The following SERPINI1 variants were observed in gnomAD, a reference collection of about 807,000 sequenced individuals.
SERPINI1 encodes neuroserpin.
Under a neutral mutation model 41.1 loss-of-function variants are expected in SERPINI1, and 19 were observed. The ratio of observed to expected loss-of-function variants is 0.46; its 90% CI spans 0.32 to 0.68. SERPINI1 has a LOEUF of 0.68. Ranked by LOEUF, SERPINI1 falls within the 30% of genes least tolerant of loss-of-function variation. The pLI is 0.03. For synonymous variants in SERPINI1, 138 were observed against 156.6 expected, an observed-to-expected ratio of 0.88 and a Z score of 0.89; for missense variants, 460 against 479.2, an observed-to-expected ratio of 0.96 and a Z score of 0.37.
chr3:167,781,003 T>C (rs1408405059), intron 1 of SERPINI1, among the ~76,000 whole-genome samples: 2 of 152,152 alleles, frequency 1.3e-5, no homozygotes, highest in African/African-American at 4.8e-5. Context: ...TAAGATTTAT[T>C]AGAATTGGGA....
rs543618808 is a variant in SERPINI1 at position 167,803,565 on chromosome 3, G to A, written c.882-3679G>A. The stretch of plus-strand genomic sequence containing the variant: ...TCTTTCCAACAATGCTATGAAATAG[G>A]TATTATTATTGCCATTTTCCTGTGC... On this transcript the variant is annotated intron_variant, in intron 5 of 8. Transcript: ENST00000446050. Among the ~76,000 whole-genome samples, 3 of 152,016 alleles carry A rather than the reference G, an allele frequency of 2.0e-5. No individual in the cohort carries two copies. In the South Asian group the frequency reaches 6.2e-4, roughly 32 times the overall value.
chr3:167,740,712 G>A (rs1250123338), intron 1 of SERPINI1, among the ~76,000 whole-genome samples: 4 of 152,170 alleles, frequency 2.6e-5, no homozygotes, highest in East Asian at 1.9e-4. Context: ...ACTTGCGCGC[G>A]CGCTTGTGTG....
At chr3:167,797,257 A>G (rs1451691790) in intron 5 of SERPINI1, among the ~76,000 whole-genome samples, 1 of 152,128 alleles carries the variant, frequency 6.6e-6, no homozygotes. Flanking sequence ...CCTTTGTCAG[A>G]TGGATAGATT....
In SERPINI1 at chr3:167,825,349, A is replaced by G. The variant is rs770433352; in HGVS notation, c.*26A>G. ...GTTACTTTATTTGAATAACAAGGAA[A>G]ACAGTAACTAAGCACATTATGTTTG... is the stretch of plus-strand genomic sequence containing the variant. On this transcript the variant is annotated 3_prime_UTR_variant, in exon 9 of 9. Transcript: ENST00000446050. 3 of 1,407,280 alleles carry G rather than the reference A, an allele frequency of 2.1e-6. No individual in the cohort carries two copies. The African/African-American group carries it at 4.2e-5, about 20-fold the overall frequency. The allele number at this position is 1,407,280 out of a possible 1,614,324, so 87.2% of individuals were successfully genotyped here.
intron 1 of SERPINI1, among the ~76,000 whole-genome samples, chr3:167,737,087 C>A (rs760798893): frequency 6.6e-6 from 1 of 151,738 alleles, no homozygotes; most frequent in Non-Finnish European, 1.5e-5. Flanking sequence ...CCTGAGTTCT[C>A]GGGATTTTAA....
chr3:167,746,308 A>G (rs941204560), intron 1 of SERPINI1, among the ~76,000 whole-genome samples: 1 of 152,194 alleles, frequency 6.6e-6, no homozygotes, highest in African/African-American at 2.4e-5. Context: ...GCCTAAATGT[A>G]AGAGCTATAA....
chr3:167,799,390 G>A (rs1444785775), intron 5 of SERPINI1, among the ~76,000 whole-genome samples: 1 of 152,130 alleles, frequency 6.6e-6, no homozygotes, highest in African/African-American at 2.4e-5. Flanking sequence ...TTTTATGGCT[G>A]CATAATATTC....
intron 1 of SERPINI1, among the ~76,000 whole-genome samples, chr3:167,751,812 C>A (rs1232776322): frequency 6.6e-6 from 1 of 151,920 alleles, no homozygotes; most frequent in Non-Finnish European, 1.5e-5. Context: ...ATTAGTGATT[C>A]TCCTTCATGT....
At chr3:167,823,100 C>T in intron 7 of SERPINI1, 28 bp downstream of exon 7, 1 of 1,433,102 alleles carries the variant, frequency 7.0e-7, no homozygotes, top group Non-Finnish European at 9.9e-7. Context: ...CTTCTCCCCT[C>T]TTCTAGATTT....
intron 6 of SERPINI1, among the ~76,000 whole-genome samples, chr3:167,821,390 C>T (rs1167103391): frequency 2.0e-5 from 3 of 152,164 alleles, no homozygotes; most frequent in Non-Finnish European, 2.9e-5. Context: ...AGCTTCCAAA[C>T]GCCACCACAT....
chr3:167,778,164 A>C (rs1402339052), intron 1 of SERPINI1, among the ~76,000 whole-genome samples: 1 of 152,204 alleles, frequency 6.6e-6, no homozygotes, highest in Non-Finnish European at 1.5e-5. Flanking sequence ...TTAGTCCCCA[A>C]ATGAGCAGGT....
intron 1 of SERPINI1, among the ~76,000 whole-genome samples, chr3:167,771,261 A>G (rs936853234): frequency 5.9e-5 from 9 of 152,236 alleles, no homozygotes; most frequent in Non-Finnish European, 5.9e-5. Context: ...TAAGGTTGCG[A>G]TAATCTAAAT....
intron 1 of SERPINI1, among the ~76,000 whole-genome samples, chr3:167,763,048 C>A (rs1726436862): frequency 2.6e-5 from 4 of 152,112 alleles, no homozygotes; most frequent in Admixed American, 1.3e-4. Flanking sequence ...CCCCAGGTCT[C>A]AGTTGGCTCA....
chr3:167,782,804 T>G (rs1331268711), intron 1 of SERPINI1, among the ~76,000 whole-genome samples: 1 of 152,086 alleles, frequency 6.6e-6, no homozygotes, highest in Non-Finnish European at 1.5e-5. Flanking sequence ...GAGAAGTGCT[T>G]TGGATTTGAA....
At chr3:167,783,315 G>A (rs1430874184) in intron 1 of SERPINI1, among the ~76,000 whole-genome samples, 4 of 151,992 alleles carry the variant, frequency 2.6e-5, no homozygotes, top group Non-Finnish European at 5.9e-5. Context: ...GAGATGGAGG[G>A]GAGTCAAATG....
intron 1 of SERPINI1, among the ~76,000 whole-genome samples, chr3:167,765,927 A>G (rs1726553239): frequency 6.6e-6 from 1 of 152,164 alleles, no homozygotes; most frequent in African/African-American, 2.4e-5. Flanking sequence ...GCAGTTCCCA[A>G]TAAGCTCATC....
chr3:167,778,581 G>C (rs1727029649), intron 1 of SERPINI1, among the ~76,000 whole-genome samples: 1 of 152,196 alleles, frequency 6.6e-6, no homozygotes, highest in South Asian at 2.1e-4. Context: ...TGGTCCACCT[G>C]AATTCAAAAG....
intron 6 of SERPINI1, among the ~76,000 whole-genome samples, chr3:167,813,884 C>G (rs971793183): frequency 1.3e-5 from 2 of 152,092 alleles, no homozygotes; most frequent in African/African-American, 4.8e-5. Flanking sequence ...TACTTCCTGC[C>G]CTCCCCACTG....
At chr3:167,741,818 GTATCTTA>G (rs1429105176) in intron 1 of SERPINI1, among the ~76,000 whole-genome samples, 4 of 152,132 alleles carry the variant, frequency 2.6e-5, no homozygotes, top group Non-Finnish European at 5.9e-5. Context: ...AGGTTAAATA[GTATCTTA>G]TATCTTATGT....
Sources: gnomAD v4.1 joint callset for allele counts (sites outside exome capture counted in the v4.1 genomes callset) on GRCh38, gnomAD v4.1.1 for gene constraint, MANE v1.5 for transcripts, NCBI Gene and HGNC (gene_info 2026-07-23, HGNC 2026-07-21) for gene names.